Variants in CELF2 observed in about 807,000 individuals in gnomAD.
CELF2 encodes the protein CUG triplet repeat RNA-binding protein 2.
Under a neutral mutation model 62.6 loss-of-function variants are expected in CELF2, and 8 were observed. That is an observed-to-expected ratio of 0.13 (90% CI 0.07 to 0.23). The LOEUF is 0.23. CELF2 is among the 10% of genes least tolerant of loss of function. The pLI is 1.00. For missense variants in CELF2, 333 were observed against 671.0 expected, an observed-to-expected ratio of 0.50 and a Z score of 5.56; for synonymous variants, 258 against 250.0, an observed-to-expected ratio of 1.03 and a Z score of -0.30.
In CELF2 at chr10:11,199,104, A is replaced by C. The variant is rs2058642882; in HGVS notation, c.272-18321A>C. Among the ~76,000 whole-genome samples, 3 of 152,170 alleles carry C rather than the reference A, an allele frequency of 2.0e-5. No homozygotes were observed. In the South Asian group the frequency reaches 6.2e-4, roughly 32 times the overall value. On this transcript the variant is annotated intron_variant, in intron 2 of 12. Coordinates refer to ENST00000633077, the MANE Select transcript of CELF2 (RefSeq NM_001326342.2). ...GAGGAGGATGGCATACAATTGTATG[A>C]CTGTTCTCTAGTGGCGAGAGATTGT...
chr10:10,559,766 A>G, the CELF2 span, among the ~76,000 whole-genome samples: 8 of 152,170 alleles, frequency 5.3e-5, no homozygotes, highest in Admixed American at 4.6e-4. Context: ...AAATGAGCAA[A>G]GCCAAATTCC....
At chr10:11,150,665 A>G (rs1442329315) in intron 1 of CELF2, among the ~76,000 whole-genome samples, 1 of 152,240 alleles carries the variant, frequency 6.6e-6, no homozygotes, top group East Asian at 1.9e-4. Flanking sequence ...AAAACAAAAC[A>G]CCTGGGCAGC....
rs1182513913 is a variant in CELF2, at chr10:10,997,859, G to T, written c.89+77860G>T. Among the ~76,000 whole-genome samples, 1 of 152,090 alleles carries T rather than the reference G, an allele frequency of 6.6e-6. No individual in the cohort carries two copies. Among genetic ancestry groups the T allele is most frequent in the Non-Finnish European group, 1.5e-5 (1 of 68,012 alleles). On this transcript the variant is annotated intron_variant, in intron 2 of 13. Coordinates refer to the CELF2 transcript ENST00000636488. This position sits in a 1 kb window ranked among gnomAD's most constrained non-coding sequence, Gnocchi z 5.3. ...AGTTCTGAGTCCATGCTTCATGCTT[G>T]ATATGGTTTGGCTCTGTATCCCCAC...
chr10:11,321,659 G>C lies in CELF2; in HGVS notation c.1294+273G>C, dbSNP rs371956894. ...ATGGTCATGCCTGTGACTAGCCACTGCACTCCATTCGGGGAACACAGACAT... is the reference window on the plus strand; with the variant it reads ...ATGGTCATGCCTGTGACTAGCCACTCCACTCCATTCGGGGAACACAGACAT... On this transcript the variant is annotated intron_variant, in intron 11 of 12. Coordinates refer to ENST00000633077, the MANE Select transcript of CELF2 (RefSeq NM_001326342.2). This position sits in a 1 kb window ranked among gnomAD's most constrained non-coding sequence, Gnocchi z 6.2. Among the ~76,000 whole-genome samples, 2 of 152,154 alleles carry C rather than the reference G, an allele frequency of 1.3e-5. No individual in the cohort carries two copies. The highest frequency in any genetic ancestry group is 4.8e-5 in the African/African-American group (2 of 41,422).
intron 1 of CELF2, among the ~76,000 whole-genome samples, chr10:10,826,679 T>C (rs1251447382): frequency 6.6e-6 from 1 of 152,140 alleles, no homozygotes; most frequent in Non-Finnish European, 1.5e-5. Flanking sequence ...GAGATCCAGA[T>C]GATGAAATGG....
At chr10:10,826,666 T>C (rs961647372) in intron 1 of CELF2, among the ~76,000 whole-genome samples, 1 of 152,174 alleles carries the variant, frequency 6.6e-6, no homozygotes, top group Non-Finnish European at 1.5e-5. Context: ...CTCTGAGAAG[T>C]TCGAGATCCA....
chr10:10,706,787 C>T, the CELF2 span, among the ~76,000 whole-genome samples: 7 of 152,176 alleles, frequency 4.6e-5, no homozygotes, highest in African/African-American at 1.7e-4. Flanking sequence ...AGTCCAGTGA[C>T]CTTTCTTTGC....
At chr10:11,180,000 C>T (rs2072755540) in intron 2 of CELF2, among the ~76,000 whole-genome samples, 1 of 152,120 alleles carries the variant, frequency 6.6e-6, no homozygotes, top group Admixed American at 6.5e-5. Flanking sequence ...GTCAGCAGCC[C>T]CAAATATATA....
the CELF2 span, among the ~76,000 whole-genome samples, chr10:10,538,098 A>T: frequency 6.6e-6 from 1 of 152,150 alleles, no homozygotes; most frequent in East Asian, 1.9e-4. Context: ...TCAGGCATAA[A>T]GGGGAAGGCA....
At chr10:10,963,324 G>A (rs1402326914) in intron 2 of CELF2, among the ~76,000 whole-genome samples, 3 of 152,054 alleles carry the variant, frequency 2.0e-5, no homozygotes, top group Admixed American at 2.0e-4. Context: ...CAAAGTGCTG[G>A]GATTACAGAC....
intron 1 of CELF2, among the ~76,000 whole-genome samples, chr10:11,111,413 A>G (rs568817773): frequency 6.6e-6 from 1 of 152,334 alleles, no homozygotes; most frequent in East Asian, 1.9e-4. Context: ...AAAATGATTC[A>G]TAAGAAAAAG....
chr10:10,871,812 GA>G (rs1263559232), intron 1 of CELF2, among the ~76,000 whole-genome samples: 1 of 152,144 alleles, frequency 6.6e-6, no homozygotes, highest in Non-Finnish European at 1.5e-5. Flanking sequence ...AGGAAGTAGT[GA>G]AAAGAGGCAA....
At chr10:11,130,396 T>G (rs1302023469) in intron 1 of CELF2, among the ~76,000 whole-genome samples, 1 of 152,232 alleles carries the variant, frequency 6.6e-6, no homozygotes, top group East Asian at 1.9e-4. Flanking sequence ...CTACCAAGTC[T>G]TCACATGTTG....
intron 1 of CELF2, among the ~76,000 whole-genome samples, chr10:11,119,254 A>G (rs920041420): frequency 2.0e-5 from 3 of 152,212 alleles, no homozygotes; most frequent in South Asian, 4.1e-4. Flanking sequence ...GCTTGATAAA[A>G]TAGAGCAATA....
chr10:10,641,891 C>T, the CELF2 span, among the ~76,000 whole-genome samples: 2 of 152,172 alleles, frequency 1.3e-5, no homozygotes, highest in African/African-American at 2.4e-5. Flanking sequence ...TTAATTCCCC[C>T]TCCTTTTTCT....
Position 10,928,225 on chromosome 10 carries a change from G to A in CELF2, c.89+8226G>A, listed in dbSNP as rs576715575. ...AGAACAATGTCTCCCTTGCCTGTCC[G>A]GTTTATTCCTCCATTTGTAGGACCC... On this transcript the variant is annotated intron_variant, in intron 2 of 13. Transcript: ENST00000636488. This position sits in a 1 kb window ranked among gnomAD's most constrained non-coding sequence, Gnocchi z 4.8. Among the ~76,000 whole-genome samples, 241 of 152,134 alleles carry A rather than the reference G, an allele frequency of 1.6e-3. 2 individuals are homozygous for A. The highest frequency in any genetic ancestry group is 6.8e-3 in the Middle Eastern group (2 of 294).
the CELF2 span, among the ~76,000 whole-genome samples, chr10:10,709,329 C>T: frequency 6.6e-6 from 1 of 152,162 alleles, no homozygotes; most frequent in Non-Finnish European, 1.5e-5. Context: ...AAAGAAATCT[C>T]CAGTTTCCTC....
the CELF2 span, among the ~76,000 whole-genome samples, chr10:10,595,088 T>C: frequency 6.4e-3 from 968 of 152,332 alleles, 12 homozygotes; most frequent in African/African-American, 0.023. Flanking sequence ...GTAGACACAC[T>C]AGTGTACAGG....
chr10:10,674,590 G>A, the CELF2 span, among the ~76,000 whole-genome samples: 1 of 152,006 alleles, frequency 6.6e-6, no homozygotes, highest in Non-Finnish European at 1.5e-5. Context: ...ATTGTTCTTT[G>A]TTCCTACTTT....
Sources: gnomAD v4.1 joint callset for allele counts (sites outside exome capture counted in the v4.1 genomes callset) on GRCh38, gnomAD v4.1.1 for gene constraint, Gnocchi (gnomAD v3.1) non-coding constraint, MANE v1.5 for transcripts, NCBI Gene and HGNC (gene_info 2026-07-23, HGNC 2026-07-21) for gene names.